The following FAM234A variants were observed in gnomAD, a reference collection of about 807,000 sequenced individuals.
The protein encoded by FAM234A is family with sequence similarity 234 member A, also known as protein FAM234A.
FAM234A carries 42 observed loss-of-function variants against 49.1 expected under a neutral mutation model. That is an observed-to-expected ratio of 0.86 (90% CI 0.67 to 1.11). The LOEUF is 1.11. Ranked by LOEUF, FAM234A falls within the 50% of genes least tolerant of loss-of-function variation. FAM234A has a pLI of 0.00. For synonymous variants in FAM234A, 369 were observed against 316.2 expected (o/e 1.17, Z -1.77); for missense variants, 815 against 745.2 (o/e 1.09, Z -1.09).
At chr16:251,127 T>C (rs1397358885) in intron 2 of FAM234A, among the ~76,000 whole-genome samples, 1 of 152,080 alleles carries the variant, frequency 6.6e-6, no homozygotes, top group East Asian at 1.9e-4. Context: ...CATCTAGTTT[T>C]TTTGTATTTT....
chr16:256,969 C>T (rs936954798), intron 3 of FAM234A, among the ~76,000 whole-genome samples: 5 of 151,990 alleles, frequency 3.3e-5, no homozygotes, highest in East Asian at 1.9e-4. Context: ...CTTGAATTCC[C>T]GACCTTAGGT....
In FAM234A at chr16:261,380, C is replaced by T; in HGVS notation, c.578-4C>T. 1.9e-6 allele frequency: 3 copies of T among 1,609,442 alleles called. No homozygotes were observed. The highest frequency in any genetic ancestry group is 4.5e-5 in the East Asian group (2 of 44,720). On this transcript the variant is annotated splice_region_variant and splice_polypyrimidine_tract_variant and intron_variant, in intron 5 of 12. Coordinates refer to ENST00000399932, the MANE Select transcript of FAM234A (RefSeq NM_032039.4). The stretch of plus-strand genomic sequence containing the variant: ...ACGTTCCGTGACCGTGTGCTTGATT[C>T]TAGGGGAAACCCTGTGGAACCACAG...
intron 1 of FAM234A, among the ~76,000 whole-genome samples, chr16:244,918 C>G (rs1044840210): frequency 6.6e-6 from 1 of 151,404 alleles, no homozygotes; most frequent in Non-Finnish European, 1.5e-5. Flanking sequence ...TCTCAAACTC[C>G]CGACCTCAGG....
downstream of FAM234A, chr16:268,176 A>G (rs376255702): frequency 0.012 from 2,005 of 169,076 alleles, 44 homozygotes; most frequent in African/African-American, 0.046. Context: ...GCACACGTGC[A>G]CTACACACAA....
intron 1 of FAM234A, among the ~76,000 whole-genome samples, chr16:236,005 T>A (rs1382244641): frequency 6.6e-6 from 1 of 151,566 alleles, no homozygotes; most frequent in Non-Finnish European, 1.5e-5. Context: ...ATAAAAAAAT[T>A]AGCTGCGTAT....
intron 9 of FAM234A, 124 bp downstream of exon 9, chr16:263,526 GCTT>G: frequency 2.8e-6 from 4 of 1,405,048 alleles, no homozygotes; most frequent in Admixed American, 2.0e-5. Flanking sequence ...TGCTGCCCGG[GCTT>G]CTTGCCTGTC....
At chr16:267,683 A>C (rs2051732609), downstream of FAM234A, among the ~76,000 whole-genome samples, 1 of 150,156 alleles carries the variant, frequency 6.7e-6, no homozygotes, top group Non-Finnish European at 1.5e-5. Context: ...GTACACCTGC[A>C]CACGTGCACT....
At chr16:238,443 A>G (rs571691164) in intron 1 of FAM234A, among the ~76,000 whole-genome samples, 1 of 152,262 alleles carries the variant, frequency 6.6e-6, no homozygotes, top group Admixed American at 6.5e-5. Flanking sequence ...AGCTAGGGCC[A>G]GGCCTAATTT....
intron 1 of FAM234A, among the ~76,000 whole-genome samples, chr16:245,737 A>G (rs1409076713): frequency 6.6e-6 from 1 of 152,198 alleles, no homozygotes; most frequent in Non-Finnish European, 1.5e-5. Context: ...CCACACTTCA[A>G]GCCATCCTGG....
At chr16:255,096 C>T (rs2051179012) in intron 3 of FAM234A, among the ~76,000 whole-genome samples, 2 of 152,118 alleles carry the variant, frequency 1.3e-5, no homozygotes, top group African/African-American at 4.8e-5. Flanking sequence ...GCTCGTGATC[C>T]GCCCGCCTCA....
At chr16:246,404 G>A (rs1459211019) in intron 1 of FAM234A, among the ~76,000 whole-genome samples, 6 of 139,414 alleles carry the variant, frequency 4.3e-5, no homozygotes, top group African/African-American at 1.6e-4. Flanking sequence ...TCAGCCTCCT[G>A]AGTAGGTGGT....
intron 1 of FAM234A, among the ~76,000 whole-genome samples, chr16:238,824 C>T (rs2050505095): frequency 7.1e-6 from 1 of 140,686 alleles, no homozygotes; most frequent in Non-Finnish European, 1.5e-5. Context: ...GTGGCTCAAG[C>T]CTGTAATCCC....
intron 1 of FAM234A, among the ~76,000 whole-genome samples, chr16:242,834 G>A (rs537688839): frequency 1.3e-5 from 2 of 152,000 alleles, no homozygotes; most frequent in East Asian, 3.9e-4. Context: ...AATTGGTCTC[G>A]AACTCCTGAC....
intron 5 of FAM234A, chr16:261,091 G>A (rs1338179442): frequency 6.3e-6 from 2 of 315,394 alleles, no homozygotes; most frequent in Non-Finnish European, 1.2e-5. Flanking sequence ...TAGGAGAAAA[G>A]GAAGGGGGAA....
chr16:264,858 G>T lies in FAM234A; in HGVS notation c.1495G>T (p.Gly499Cys). Residue 499 changes from glycine to cysteine, a missense_variant, in exon 13 of 13, where the codon GGC becomes TGC. By Grantham distance (159) the Gly-to-Cys change is radical. Coordinates refer to ENST00000399932, the MANE Select transcript of FAM234A (RefSeq NM_032039.4). ...SRHAAYILLT[G>C]PADSEAPGLV... ...CCACGCCGCCTACATCCTTCTGACA[G>T]GCCCGGCAGACTCAGAGGCACCCGG... The T allele has an allele frequency of 6.2e-7, 1 of 1,612,182 alleles. No homozygotes were observed. The highest frequency in any genetic ancestry group is 8.5e-7 in the Non-Finnish European group (1 of 1,179,934).
chr16:236,055 C>G (rs1403987702), intron 1 of FAM234A, among the ~76,000 whole-genome samples: 1 of 151,888 alleles, frequency 6.6e-6, no homozygotes, highest in Non-Finnish European at 1.5e-5. Flanking sequence ...CGGGTTCAAG[C>G]GATTCTCCCC....
Position 264,041 on chromosome 16 carries a change from G to T in FAM234A, c.1214G>T (p.Gly405Val), listed in dbSNP as rs1461737978. The T allele has an allele frequency of 6.2e-7, 1 of 1,613,282 alleles. No individual in the cohort carries two copies. The highest frequency in any genetic ancestry group is 8.5e-7 in the Non-Finnish European group (1 of 1,179,964). ...RQILFLDLGT[G>V]AVLCSLALPS... ...ATCCTGTTTCTGGACCTTGGCACTGGAGCCGTCCTGTGTAGCCTAGCCCTC... is the reference window on the plus strand; with the variant it reads ...ATCCTGTTTCTGGACCTTGGCACTGTAGCCGTCCTGTGTAGCCTAGCCCTC... The change falls in exon 11 of 13, where the codon GGA becomes GTA. Residue 405 changes from glycine to valine, a missense_variant. Coordinates refer to ENST00000399932, the MANE Select transcript of FAM234A (RefSeq NM_032039.4).
intron 3 of FAM234A, among the ~76,000 whole-genome samples, chr16:257,206 A>T (rs1040712002): frequency 7.3e-6 from 1 of 137,866 alleles, no homozygotes; most frequent in Non-Finnish European, 1.6e-5. Flanking sequence ...GTGTCCTTCG[A>T]TGCATAAAAG....
At chr16:244,189 C>A (rs1382622190) in intron 1 of FAM234A, among the ~76,000 whole-genome samples, 3 of 152,086 alleles carry the variant, frequency 2.0e-5, no homozygotes, top group African/African-American at 7.2e-5. Flanking sequence ...AGGATGGTCT[C>A]GATCTCCTGA....
Sources: gnomAD v4.1 joint callset for allele counts (sites outside exome capture counted in the v4.1 genomes callset) on GRCh38, gnomAD v4.1.1 for gene constraint, MANE v1.5 for transcripts, NCBI Gene and HGNC (gene_info 2026-07-23, HGNC 2026-07-21) for gene names.